Variants in DOCK5 observed in about 807,000 individuals in gnomAD.
DOCK5 encodes the protein dedicator of cytokinesis protein 5.
In DOCK5, 142 loss-of-function variants were observed where a neutral mutation model predicts 251.8. That is an observed-to-expected ratio of 0.56 (90% CI 0.49 to 0.65). DOCK5 has a LOEUF of 0.65. Among genes scored for constraint, DOCK5 ranks in the 30% least tolerant of loss-of-function variants. DOCK5 has a pLI of 0.00. For synonymous variants in DOCK5, 842 were observed against 835.5 expected (o/e 1.01, Z -0.13); for missense variants, 2,111 against 2,312.3 (o/e 0.91, Z 1.79).
chr8:25,338,590 C>T (rs1805871746), intron 22 of DOCK5, among the ~76,000 whole-genome samples: 1 of 152,084 alleles, frequency 6.6e-6, no homozygotes, highest in Admixed American at 6.6e-5. Flanking sequence ...CAGTGTTTTC[C>T]CCACACATAA....
At chr8:25,227,221 G>A (rs561084607) in intron 1 of DOCK5, among the ~76,000 whole-genome samples, 4 of 152,184 alleles carry the variant, frequency 2.6e-5, no homozygotes, top group Admixed American at 2.0e-4. Context: ...CCTGACTGCC[G>A]ACCTCCCATG....
chr8:25,330,831 C>G (rs529529737), intron 18 of DOCK5, among the ~76,000 whole-genome samples: 1 of 151,998 alleles, frequency 6.6e-6, no homozygotes, highest in Non-Finnish European at 1.5e-5. Flanking sequence ...GGGAGGCACT[C>G]TGGGAGGCCG....
intron 22 of DOCK5, among the ~76,000 whole-genome samples, chr8:25,338,690 T>C (rs551498180): frequency 2.3e-4 from 35 of 152,308 alleles, no homozygotes; most frequent in African/African-American, 7.9e-4. Flanking sequence ...TACATTTCCA[T>C]GTATTCAGAA....
At chr8:25,290,013 ATTC>A in intron 5 of DOCK5, among the ~76,000 whole-genome samples, 1 of 152,234 alleles carries the variant, frequency 6.6e-6, no homozygotes, top group Non-Finnish European at 1.5e-5. Flanking sequence ...TGTCCTATTT[ATTC>A]TTCTTATACT....
At chr8:25,257,259 C>A (rs774210392) in intron 2 of DOCK5, among the ~76,000 whole-genome samples, 13 of 152,144 alleles carry the variant, frequency 8.5e-5, no homozygotes, top group Non-Finnish European at 1.9e-4. Flanking sequence ...CTCTCTATGC[C>A]AGGCATCGAG....
chr8:25,295,189 A>G (rs1261621348), intron 6 of DOCK5, among the ~76,000 whole-genome samples: 1 of 152,124 alleles, frequency 6.6e-6, no homozygotes, highest in Non-Finnish European at 1.5e-5. Context: ...CTATAATCCC[A>G]GCACTTTGGG....
chr8:25,304,171 G>A (rs1804840308), intron 10 of DOCK5, 84 bp from the exon 11 acceptor site: 2 of 1,185,804 alleles, frequency 1.7e-6, no homozygotes, highest in Non-Finnish European at 2.3e-6. Flanking sequence ...AGTGTTTGAT[G>A]TTTGCTGATA....
intron 18 of DOCK5, among the ~76,000 whole-genome samples, chr8:25,331,812 AG>A: frequency 6.0e-5 from 1 of 16,748 alleles, no homozygotes; most frequent in Non-Finnish European, 4.4e-4. Flanking sequence ...AGAGAGAGAG[AG>A]AGAGAGAGAG....
Position 25,243,678 on chromosome 8 carries a change from C to A in DOCK5, c.48C>A (p.Ile16=). Residue 16 remains isoleucine (I), a synonymous_variant, in exon 2 of 52, where the codon ATC becomes ATA. Transcript: ENST00000276440. The part of the protein sequence containing the change: ...PTKRQKYGVA[I]YNYNASQDVE... ...TTTTTTATTTCTCATTTCCAGCGAT[C>A]TATAACTACAATGCTTCTCAAGATG... 1 of 1,613,204 alleles carries A rather than the reference C, an allele frequency of 6.2e-7. No homozygotes were observed. Among genetic ancestry groups the A allele is most frequent in the Non-Finnish European group, 8.5e-7 (1 of 1,179,482 alleles).
intron 22 of DOCK5, among the ~76,000 whole-genome samples, chr8:25,340,428 T>C (rs1171009235): frequency 6.6e-6 from 1 of 152,266 alleles, no homozygotes; most frequent in African/African-American, 2.4e-5. Context: ...TATGTGCATA[T>C]GCACTTTCAT....
chr8:25,364,470 G>A lies in DOCK5; in HGVS notation c.3045-156G>A, dbSNP rs530712097. On this transcript the variant is annotated intron_variant, in intron 29 of 51. Transcript: ENST00000276440. ...AACTGACCTCCTGTGCCCCATCTGC[G>A]GATGGTGTTATGCTGTTGTCTGCAA... 6.9e-4 allele frequency among the ~76,000 whole-genome samples: 105 copies of A among 152,216 alleles called. 1 individual carries two copies. The highest frequency in any genetic ancestry group is 2.3e-3 in the African/African-American group (95 of 41,516).
chr8:25,223,157 A>T (rs1026922375), intron 1 of DOCK5, among the ~76,000 whole-genome samples: 45 of 152,188 alleles, frequency 3.0e-4, no homozygotes, highest in African/African-American at 7.0e-4. Context: ...GAAGGTTTTT[A>T]AAAAAAATTT....
chr8:25,275,650 C>G (rs1804028778), intron 4 of DOCK5, among the ~76,000 whole-genome samples: 1 of 152,134 alleles, frequency 6.6e-6, no homozygotes, highest in Admixed American at 6.5e-5. Flanking sequence ...GCCTGGCCAA[C>G]ATGGTAAAAC....
rs1183032819 is a variant in DOCK5 at position 25,339,184 on chromosome 8, G to A, written c.2328-1693G>A. ...ATGTCACCTGGTCCCTGGGCCCCCT[G>A]TTGCCTTCCGCAGAGCTTAAATCTC... On this transcript the variant is annotated intron_variant, in intron 22 of 51. Transcript: ENST00000276440. Among the ~76,000 whole-genome samples, 3 of 152,174 alleles carry A rather than the reference G, an allele frequency of 2.0e-5. No homozygotes were observed. In the East Asian group the frequency reaches 5.8e-4, roughly 29 times the overall value.
chr8:25,296,303 C>T (rs1468368634), intron 6 of DOCK5, among the ~76,000 whole-genome samples: 2 of 152,176 alleles, frequency 1.3e-5, no homozygotes, highest in African/African-American at 2.4e-5. Flanking sequence ...TATCCTTCTA[C>T]GACTTTGGCT....
chr8:25,378,211 T>C (rs1477038737), intron 38 of DOCK5, among the ~76,000 whole-genome samples: 2 of 152,176 alleles, frequency 1.3e-5, no homozygotes, highest in East Asian at 3.9e-4. Flanking sequence ...ATCCTGAGAC[T>C]AGGAGACCAC....
At chr8:25,331,544 C>A (rs1393957020) in intron 18 of DOCK5, among the ~76,000 whole-genome samples, 1 of 152,030 alleles carries the variant, frequency 6.6e-6, no homozygotes, top group African/African-American at 2.4e-5. Context: ...TCTGTTCCAC[C>A]TTTTGTTTGA....
intron 1 of DOCK5, among the ~76,000 whole-genome samples, chr8:25,223,576 C>A (rs1214247910): frequency 1.3e-5 from 2 of 152,194 alleles, no homozygotes; most frequent in Non-Finnish European, 2.9e-5. Flanking sequence ...TGGCCTCCTA[C>A]CATGCTGGAA....
intron 40 of DOCK5, among the ~76,000 whole-genome samples, chr8:25,384,480 G>A (rs1352154348): frequency 1.9e-5 from 1 of 53,484 alleles, no homozygotes; most frequent in African/African-American, 5.4e-5. Context: ...TTTTTTTTGA[G>A]ACAGTGTCTC....
Sources: gnomAD v4.1 joint callset for allele counts (sites outside exome capture counted in the v4.1 genomes callset) on GRCh38, gnomAD v4.1.1 for gene constraint, MANE v1.5 for transcripts, NCBI Gene and HGNC (gene_info 2026-07-23, HGNC 2026-07-21) for gene names.